The following KLRD1 variants were observed in gnomAD, a reference collection of about 807,000 sequenced individuals.
KLRD1 encodes killer cell lectin like receptor D1.
A neutral mutation model predicts 22.6 loss-of-function variants in KLRD1; 21 were observed. The ratio of observed to expected loss-of-function variants is 0.93; its 90% CI spans 0.66 to 1.34. The LOEUF is 1.34. Among genes scored for constraint, KLRD1 ranks in the 40% most tolerant of loss-of-function variants. The pLI, the probability that KLRD1 is intolerant of heterozygous loss-of-function variation, is 0.00. For synonymous variants in KLRD1, 59 were observed against 71.1 expected (o/e 0.83, Z 0.85); for missense variants, 183 against 208.6 (o/e 0.88, Z 0.76).
At position 10,316,197 on chromosome 12, in the gene KLRD1, A is replaced by G. The variant is rs1374352330; in HGVS notation, c.*1404A>G. 6.7e-6 allele frequency: 1 copy of G among 148,620 alleles called. No individual in the cohort carries two copies. Among genetic ancestry groups the G allele is most frequent in the Non-Finnish European group, 1.5e-5 (1 of 67,020 alleles). 9.2% of individuals were successfully genotyped at this position (148,620 alleles called of 1,614,324 possible). ...AAAAACTGCCTCACCTTTGTTATTT[A>G]GTGTACTCCAACCACGGAGTAACAT... is the stretch of plus-strand genomic sequence containing the variant. On this transcript the variant is annotated 3_prime_UTR_variant, in exon 6 of 6. Coordinates refer to ENST00000336164, the MANE Select transcript of KLRD1 (RefSeq NM_002262.5).
At chr12:10,302,664 AG>A (rs1212014479), upstream of KLRD1, among the ~76,000 whole-genome samples, 1 of 151,756 alleles carries the variant, frequency 6.6e-6, no homozygotes, top group Non-Finnish European at 1.5e-5. Context: ...TGAAACCATA[AG>A]GGTATAGAAA....
At chr12:10,287,686 G>A (rs1424711356) in intron 1 of KLRD1, among the ~76,000 whole-genome samples, 1 of 152,158 alleles carries the variant, frequency 6.6e-6, no homozygotes, top group Non-Finnish European at 1.5e-5. Flanking sequence ...CTAAAAATTT[G>A]CTAGGACTTT....
intron 1 of KLRD1, among the ~76,000 whole-genome samples, chr12:10,242,670 G>C (rs780083824): frequency 5.3e-5 from 8 of 152,142 alleles, no homozygotes; most frequent in Non-Finnish European, 1.0e-4. Context: ...AATGTGTAAA[G>C]TGTTCCCTTT....
chr12:10,242,995 G>A (rs1465938957), intron 1 of KLRD1, among the ~76,000 whole-genome samples: 1 of 152,112 alleles, frequency 6.6e-6, no homozygotes, highest in Non-Finnish European at 1.5e-5. Flanking sequence ...GGATGAATCT[G>A]GGGGGCATTA....
At chr12:10,240,831 G>A (rs969674461) in intron 1 of KLRD1, among the ~76,000 whole-genome samples, 2 of 152,192 alleles carry the variant, frequency 1.3e-5, no homozygotes, top group African/African-American at 4.8e-5. Flanking sequence ...ATGGTGACTA[G>A]TTATATCTTT....
intron 1 of KLRD1, among the ~76,000 whole-genome samples, chr12:10,266,298 TGA>T (rs1376180000): frequency 6.6e-6 from 1 of 152,186 alleles, no homozygotes; most frequent in African/African-American, 2.4e-5. Flanking sequence ...CAAATTTGTA[TGA>T]GAGGGTCCAT....
intron 1 of KLRD1, among the ~76,000 whole-genome samples, chr12:10,268,484 T>A (rs1335920137): frequency 6.6e-6 from 1 of 152,222 alleles, no homozygotes; most frequent in Non-Finnish European, 1.5e-5. Context: ...TAGATCTTGC[T>A]GGTATATAAG....
intron 1 of KLRD1, among the ~76,000 whole-genome samples, chr12:10,254,775 C>G (rs1363516080): frequency 6.6e-6 from 1 of 152,012 alleles, no homozygotes; most frequent in African/African-American, 2.4e-5. Flanking sequence ...TGCCTGTAAT[C>G]CCAGCTACTC....
upstream of KLRD1, among the ~76,000 whole-genome samples, chr12:10,305,937 C>T (rs189054567): frequency 0.012 from 1,862 of 151,688 alleles, 45 homozygotes; most frequent in African/African-American, 0.042. Flanking sequence ...CCGAGGCGGG[C>T]GGATCACGAG....
intron 1 of KLRD1, among the ~76,000 whole-genome samples, chr12:10,288,782 T>C (rs1450197014): frequency 1.3e-5 from 2 of 152,212 alleles, no homozygotes; most frequent in Non-Finnish European, 2.9e-5. Context: ...TATAAAATAT[T>C]AGCAATAATC....
rs1950283758 is a variant in KLRD1, at chr12:10,318,925, A to T, written c.*4132A>T. ...ATTCATTTCAGTTATCTACACCTGG[A>T]AATGTTAGTTCTATAATTTTGGACT... On this transcript the variant is annotated 3_prime_UTR_variant, in exon 6 of 6. Transcript: ENST00000336164. 1 of 151,784 alleles carries T rather than the reference A, an allele frequency of 6.6e-6. No homozygotes were observed. The highest frequency in any genetic ancestry group is 2.4e-5 in the African/African-American group (1 of 41,270). The allele number at this position is 151,784 out of a possible 1,614,324, so 9.4% of individuals were successfully genotyped here. A position where few individuals can be genotyped will look rare whatever the true frequency, so the allele number is the denominator to read the frequency against.
chr12:10,245,093 C>T (rs1055936516), intron 1 of KLRD1, among the ~76,000 whole-genome samples: 3 of 152,058 alleles, frequency 2.0e-5, no homozygotes, highest in Non-Finnish European at 2.9e-5. Flanking sequence ...TGCGGTGGCT[C>T]ACACCTGTAA....
chr12:10,255,234 G>A (rs1318781691), intron 1 of KLRD1, among the ~76,000 whole-genome samples: 1 of 152,120 alleles, frequency 6.6e-6, no homozygotes, highest in Non-Finnish European at 1.5e-5. Flanking sequence ...CTAGTAATTT[G>A]AGGACTTTTA....
chr12:10,275,186 A>T (rs1388593316), intron 1 of KLRD1, among the ~76,000 whole-genome samples: 4 of 151,988 alleles, frequency 2.6e-5, no homozygotes, highest in Non-Finnish European at 5.9e-5. Context: ...CACCGTGCCT[A>T]GCCGTTATTT....
upstream of KLRD1, among the ~76,000 whole-genome samples, chr12:10,306,151 A>G (rs1949923184): frequency 1.4e-5 from 2 of 142,564 alleles, no homozygotes; most frequent in South Asian, 5.5e-4. Context: ...TGGGTGACAG[A>G]GACTCCATCT....
chr12:10,276,299 T>C (rs2137649223), intron 1 of KLRD1, among the ~76,000 whole-genome samples: 1 of 152,234 alleles, frequency 6.6e-6, no homozygotes, highest in Non-Finnish European at 1.5e-5. Context: ...ATGTTTTCTG[T>C]TCTTGTGCTT....
At chr12:10,303,754 C>A (rs1949886878), upstream of KLRD1, among the ~76,000 whole-genome samples, 1 of 152,126 alleles carries the variant, frequency 6.6e-6, no homozygotes, top group Non-Finnish European at 1.5e-5. Flanking sequence ...CATGCATCCC[C>A]AAATAGCCCC....
At chr12:10,242,324 T>C (rs899539363) in intron 1 of KLRD1, among the ~76,000 whole-genome samples, 2 of 152,058 alleles carry the variant, frequency 1.3e-5, no homozygotes, top group African/African-American at 4.8e-5. Context: ...ACAAAATCAT[T>C]AACAAATATT....
intron 1 of KLRD1, among the ~76,000 whole-genome samples, chr12:10,259,628 C>T (rs1163239973): frequency 6.6e-6 from 1 of 152,136 alleles, no homozygotes; most frequent in Non-Finnish European, 1.5e-5. Context: ...TGTCTTTTAT[C>T]CTGAGTCTTT....
Sources: gnomAD v4.1 joint callset for allele counts (sites outside exome capture counted in the v4.1 genomes callset) on GRCh38, gnomAD v4.1.1 for gene constraint, MANE v1.5 for transcripts, NCBI Gene and HGNC (gene_info 2026-07-23, HGNC 2026-07-21) for gene names.